The following NCOA6 variants were observed in gnomAD, a reference collection of about 807,000 sequenced individuals.
NCOA6 encodes the protein nuclear receptor coactivator 6, also known as NRC RAP250.
Under a neutral mutation model 171.4 loss-of-function variants are expected in NCOA6, and 49 were observed. That is an observed-to-expected ratio of 0.29 (90% confidence interval 0.23 to 0.36). The LOEUF (loss-of-function observed/expected upper bound fraction) is 0.36. Ranked by LOEUF, NCOA6 falls within the 10% of genes least tolerant of loss-of-function variation. The pLI is 1.00. For missense variants in NCOA6, 2,248 were observed against 2,554.5 expected (o/e 0.88, Z 2.59); for synonymous variants, 910 against 927.5 (o/e 0.98, Z 0.34).
rs149365099 is a variant in NCOA6, at chr20:34,753,088, G to C, written c.1675+1634C>G. Among the ~76,000 whole-genome samples, 911 of 150,708 alleles carry C rather than the reference G, an allele frequency of 6.0e-3. 5 individuals are homozygous for C. The highest frequency in any genetic ancestry group is 0.014 in the Middle Eastern group (4 of 292). On this transcript the variant is annotated intron_variant, in intron 8 of 14. Transcript: ENST00000359003. The stretch of plus-strand genomic sequence containing the variant: ...GATGAAGTCTCTCTCTGTCGCCCAG[G>C]CTGGAGTGCAGTGGCGTGATCTCAG...
chr20:34,722,761 G>C (rs1989527972), intron 14 of NCOA6, among the ~76,000 whole-genome samples: 1 of 151,392 alleles, frequency 6.6e-6, no homozygotes, highest in Non-Finnish European at 1.5e-5. Context: ...CGAGGCAAGT[G>C]AATCACTTGA....
In NCOA6 at chr20:34,741,066, T is replaced by A; in HGVS notation, c.5190A>T (p.Arg1730=). 1 of 1,614,130 alleles carries A rather than the reference T, an allele frequency of 6.2e-7. No homozygotes were observed. The highest frequency in any genetic ancestry group is 8.5e-7 in the Non-Finnish European group (1 of 1,180,018). The change falls in exon 11 of 15, where the codon CGA becomes CGT. Residue 1730 remains arginine, a synonymous_variant. Transcript: ENST00000359003. Reference sequence around the variant, plus strand: ...TGGCTCGTGAGCTAAGGACCAAAGGTCGACCTGTCTGGATGTTTGGAGCAG... The same window carrying A: ...TGGCTCGTGAGCTAAGGACCAAAGGACGACCTGTCTGGATGTTTGGAGCAG... ...SSPAPNIQTG[R]PLVLSSRATP... is the part of the protein sequence containing the mutation.
At chr20:34,778,958 C>CAAAAAAA (rs57631874) in intron 3 of NCOA6, among the ~76,000 whole-genome samples, 3 of 46,512 alleles carry the variant, frequency 6.4e-5, no homozygotes, top group African/African-American at 2.5e-4. Context: ...GACTCCGTTT[C>CAAAAAAA]AAAAAAAAAA....
chr20:34,812,544 T>G (rs2146642956), intron 1 of NCOA6, among the ~76,000 whole-genome samples: 1 of 152,180 alleles, frequency 6.6e-6, no homozygotes, highest in Admixed American at 6.5e-5. Flanking sequence ...ACATGAAACT[T>G]GAGATTTCCA....
At chr20:34,732,675 T>C (rs556830660) in intron 12 of NCOA6, 80 bp from the exon 13 acceptor site, 148 of 1,270,208 alleles carry the variant, frequency 1.2e-4, no homozygotes, top group Non-Finnish European at 1.6e-4. Context: ...GAATTCTCTA[T>C]GCCCTATTTA....
At chr20:34,790,672 C>T (rs1298468465) in intron 2 of NCOA6, among the ~76,000 whole-genome samples, 4 of 150,492 alleles carry the variant, frequency 2.7e-5, no homozygotes, top group South Asian at 2.1e-4. Flanking sequence ...ATTTTTGAGA[C>T]GGAGTCTGGC....
intron 12 of NCOA6, among the ~76,000 whole-genome samples, chr20:34,735,123 CAGCCAATTA>C (rs1488237013): frequency 6.6e-6 from 1 of 152,138 alleles, no homozygotes; most frequent in Non-Finnish European, 1.5e-5. Flanking sequence ...GAGGATTCTT[CAGCCAATTA>C]CTGTGAGAAG....
Position 34,742,111 on chromosome 20 carries a change from G to A in NCOA6, c.4145C>T (p.Ala1382Val). The change falls in exon 11 of 15, where the codon GCC (alanine) becomes GTC (valine). Residue 1382 changes from alanine (A) to valine (V), a missense_variant. Physicochemically the swap from Ala to Val is moderately conservative, Grantham distance 64. Coordinates refer to ENST00000359003, the MANE Select transcript of NCOA6 (RefSeq NM_014071.5). ...RNVLVSPTPL[A>V]NPPVPGSFPN... ...AAAGCTCCCAGGTACAGGGGGATTG[G>A]CCAGAGGAGTGGGACTGACCAATAC... 6.2e-7 allele frequency: 1 copy of A among 1,614,190 alleles called. No individual in the cohort carries two copies. The highest frequency in any genetic ancestry group is 1.7e-5 in the Admixed American group (1 of 60,024).
At chr20:34,793,945 T>C (rs1217109606) in intron 1 of NCOA6, among the ~76,000 whole-genome samples, 33 of 152,130 alleles carry the variant, frequency 2.2e-4, no homozygotes, top group Non-Finnish European at 2.9e-5. Flanking sequence ...ATTCAACATA[T>C]GAAAAGATGT....
At chr20:34,798,917 C>T (rs1029955602) in intron 1 of NCOA6, among the ~76,000 whole-genome samples, 1 of 152,160 alleles carries the variant, frequency 6.6e-6, no homozygotes, top group Non-Finnish European at 1.5e-5. Context: ...ATACCTAACT[C>T]TCCAATGCCT....
intron 1 of NCOA6, among the ~76,000 whole-genome samples, chr20:34,803,939 G>A (rs773066163): frequency 7.6e-4 from 114 of 150,010 alleles, no homozygotes; most frequent in Non-Finnish European, 1.5e-3. Flanking sequence ...TGGAGGTTGC[G>A]CCACTGCACT....
chr20:34,742,469 T>C lies in NCOA6; in HGVS notation c.3787A>G (p.Arg1263Gly). ...PPQINIPLPPRPNLNRGFDQQ... is the reference protein window; with the variant it reads ...PPQINIPLPPGPNLNRGFDQQ... ...TCAAAGCCCCTGTTTAAATTTGGCC[T>C]AGGAGGTAAAGGAATATTAATCTGT... is the stretch of plus-strand genomic sequence containing the variant. The change falls in exon 11 of 15, where the codon AGG becomes GGG. Residue 1263 changes from arginine (R) to glycine (G), a missense_variant. Physicochemically the swap from Arg to Gly is moderately radical, Grantham distance 125 (BLOSUM62 -2). Coordinates refer to ENST00000359003, the MANE Select transcript of NCOA6 (RefSeq NM_014071.5). 6.2e-7 allele frequency: 1 copy of C among 1,614,142 alleles called. No individual in the cohort carries two copies. Among genetic ancestry groups the C allele is most frequent in the Non-Finnish European group, 8.5e-7 (1 of 1,180,012 alleles).
Position 34,815,213 on chromosome 20 carries a change from C to CCAAA in NCOA6, c.-164+10258_-164+10259insTTTG, listed in dbSNP as rs57249728. On this transcript the variant is annotated intron_variant, in intron 1 of 14. Coordinates refer to ENST00000359003, the MANE Select transcript of NCOA6 (RefSeq NM_014071.5). ...ACATAGGAAGACCCATTCTCTACCCCAAAAAAAAAAAAAGCCAGGTGAGGT... is the reference window on the plus strand; with the variant it reads ...ACATAGGAAGACCCATTCTCTACCCCCAAAAAAAAAAAAAAAAGCCAGGTGAGGT... 2.8e-4 allele frequency among the ~76,000 whole-genome samples: 39 copies of CCAAA among 140,606 alleles called. 2 individuals carry two copies. The highest frequency in any genetic ancestry group is 1.1e-3 in the South Asian group (5 of 4,474). The allele number at this position is 140,606 out of a possible 152,430, so 92.2% of individuals were successfully genotyped here.
intron 9 of NCOA6, among the ~76,000 whole-genome samples, chr20:34,747,285 T>C (rs1369834137): frequency 1.3e-5 from 2 of 152,212 alleles, no homozygotes; most frequent in African/African-American, 2.4e-5. Context: ...CTATCTTCAA[T>C]GTAGCGATCA....
At chr20:34,815,213 C>CCCAA (rs57249728) in intron 1 of NCOA6, among the ~76,000 whole-genome samples, 1 of 140,560 alleles carries the variant, frequency 7.1e-6, no homozygotes, top group East Asian at 2.1e-4. Context: ...TTCTCTACCC[C>CCCAA]AAAAAAAAAA....
intron 1 of NCOA6, among the ~76,000 whole-genome samples, chr20:34,812,269 C>A (rs1027912247): frequency 4.6e-4 from 69 of 149,504 alleles, no homozygotes; most frequent in African/African-American, 1.6e-3. Context: ...AAAAAAACAA[C>A]AACAAAAAAA....
chr20:34,812,645 A>C (rs536010199), intron 1 of NCOA6, among the ~76,000 whole-genome samples: 9 of 152,194 alleles, frequency 5.9e-5, no homozygotes, highest in Admixed American at 5.9e-4. Flanking sequence ...ACATAAAAAA[A>C]ACAAAGAAAT....
chr20:34,804,426 G>T (rs575135737), intron 1 of NCOA6, among the ~76,000 whole-genome samples: 102 of 151,738 alleles, frequency 6.7e-4, no homozygotes, highest in African/African-American at 2.2e-3. Context: ...AGGATTGCTT[G>T]GACCTGGGAG....
chr20:34,742,328 C>T lies in NCOA6; in HGVS notation c.3928G>A (p.Val1310Met). 5 of 1,614,216 alleles carry T rather than the reference C, an allele frequency of 3.1e-6. No individual in the cohort carries two copies. Among genetic ancestry groups the T allele is most frequent in the Non-Finnish European group, 4.2e-6 (5 of 1,180,034 alleles). The change falls in exon 11 of 15, where the codon GTG (valine) becomes ATG (methionine). Residue 1310 changes from valine to methionine, a missense_variant. Val to Met is a conservative substitution (Grantham distance 21). Transcript: ENST00000359003. Reference protein sequence around the residue: ...PQTHKLDSVVVNSGKQSNSGA... With the variant: ...PQTHKLDSVVMNSGKQSNSGA... ...GAATTAGACTGCTTTCCAGAATTCA[C>T]TACCACAGAATCTAATTTGTGAGTT... is the stretch of plus-strand genomic sequence containing the variant.
Sources: allele counts gnomAD v4.1 joint callset (sites outside exome capture counted in the v4.1 genomes callset), GRCh38; gene constraint gnomAD v4.1.1; transcripts MANE v1.5; gene names NCBI Gene and HGNC (gene_info 2026-07-23, HGNC 2026-07-21).